The following SLC16A10 variants were observed in gnomAD, a reference collection of about 807,000 sequenced individuals.
SLC16A10 encodes solute carrier family 16 member 10.
SLC16A10 carries 27 observed loss-of-function variants against 40.0 expected under a neutral mutation model. That is an observed-to-expected ratio of 0.67 (90% CI 0.50 to 0.93). The LOEUF (loss-of-function observed/expected upper bound fraction) is 0.93, where lower values mean the gene tolerates loss of function less well. Among genes scored for constraint, SLC16A10 ranks in the 40% least tolerant of loss-of-function variants. The probability of loss-of-function intolerance (pLI) is 0.00; values close to 1 mark genes in which losing one functional copy is unlikely to be tolerated. For synonymous variants in SLC16A10, 213 were observed against 249.8 expected (o/e 0.85, Z 1.39); for missense variants, 529 against 658.2 (o/e 0.80, Z 2.15).
chr6:111,158,293 C>CT (rs1283398307), intron 1 of SLC16A10, among the ~76,000 whole-genome samples: 3 of 151,974 alleles, frequency 2.0e-5, no homozygotes, highest in East Asian at 3.9e-4. Flanking sequence ...CTATTTTTAG[C>CT]TTTTTTCTGG....
chr6:111,154,630 G>T (rs896129328), intron 1 of SLC16A10, among the ~76,000 whole-genome samples: 1 of 152,150 alleles, frequency 6.6e-6, no homozygotes, highest in Admixed American at 6.5e-5. Context: ...TATAGTGGAG[G>T]TAATAATGGA....
intron 1 of SLC16A10, among the ~76,000 whole-genome samples, chr6:111,161,590 CCTAT>C (rs1233164913): frequency 6.6e-6 from 1 of 152,088 alleles, no homozygotes; most frequent in Non-Finnish European, 1.5e-5. Flanking sequence ...CCCTCAGAGG[CCTAT>C]CTAAGGGTCC....
intron 3 of SLC16A10, among the ~76,000 whole-genome samples, chr6:111,185,368 C>T (rs1032120280): frequency 3.9e-5 from 6 of 152,194 alleles, no homozygotes; most frequent in South Asian, 2.1e-4. Context: ...TTGCTTTGCA[C>T]GTTTCCCTTC....
chr6:111,208,116 G>A (rs1188417384), intron 4 of SLC16A10, among the ~76,000 whole-genome samples: 5 of 152,024 alleles, frequency 3.3e-5, no homozygotes, highest in East Asian at 1.9e-4. Context: ...CTACAGGTGC[G>A]TGCCACCATG....
rs150131162 is a variant in SLC16A10 at position 111,209,489 on chromosome 6, A to G, written c.1086+2754A>G. On this transcript the variant is annotated intron_variant, in intron 4 of 5. Coordinates refer to ENST00000368851, the MANE Select transcript of SLC16A10 (RefSeq NM_018593.5). ...TTAAATTAAAAAAAAATTTTCACCCAACCTACCTGCCCTTGCCCCAGTGAT... is the reference window on the plus strand; with the variant it reads ...TTAAATTAAAAAAAAATTTTCACCCGACCTACCTGCCCTTGCCCCAGTGAT... Among the ~76,000 whole-genome samples, 546 of 152,284 alleles carry G rather than the reference A, an allele frequency of 3.6e-3. 2 individuals carry two copies. Among genetic ancestry groups the G allele is most frequent in the African/African-American group, 0.012 (513 of 41,562 alleles).
chr6:111,198,225 G>A (rs949440773), intron 3 of SLC16A10, among the ~76,000 whole-genome samples: 7 of 152,142 alleles, frequency 4.6e-5, no homozygotes, highest in African/African-American at 1.7e-4. Context: ...GGCAGAGGTT[G>A]CAGTGAACTG....
chr6:111,199,183 G>A (rs1773125039), intron 3 of SLC16A10, among the ~76,000 whole-genome samples: 1 of 152,176 alleles, frequency 6.6e-6, no homozygotes, highest in Non-Finnish European at 1.5e-5. Context: ...ATTTAGGCTG[G>A]GTGTGGGGGC....
At chr6:111,190,491 C>G (rs1772971772) in intron 3 of SLC16A10, among the ~76,000 whole-genome samples, 1 of 152,224 alleles carries the variant, frequency 6.6e-6, no homozygotes, top group South Asian at 2.1e-4. Context: ...GGGCTCCAGT[C>G]CCACATTTCC....
At chr6:111,170,557 C>T (rs1164158337) in intron 1 of SLC16A10, among the ~76,000 whole-genome samples, 1 of 152,156 alleles carries the variant, frequency 6.6e-6, no homozygotes, top group East Asian at 1.9e-4. Flanking sequence ...TCAAGTGATT[C>T]TCCCATCTCA....
At chr6:111,110,013 G>A (rs1219104388) in intron 1 of SLC16A10, among the ~76,000 whole-genome samples, 1 of 152,110 alleles carries the variant, frequency 6.6e-6, no homozygotes. Context: ...AAAAAAGTAG[G>A]AGTGAGAGGA....
rs1772702818 is a variant in SLC16A10 at position 111,177,253 on chromosome 6, C to T, written c.530C>T (p.Ala177Val). Residue 177 changes from alanine to valine, a missense_variant, in exon 3 of 6, where the codon GCC (alanine) becomes GTC (valine). Ala to Val is a moderately conservative substitution (Grantham distance 64). Coordinates refer to ENST00000368851, the MANE Select transcript of SLC16A10 (RefSeq NM_018593.5). ...TACCTTACCTATGGAATCATATTTGCCTGCGGCTGCTCCTTTGCATACCAG... is the reference window on the plus strand; with the variant it reads ...TACCTTACCTATGGAATCATATTTGTCTGCGGCTGCTCCTTTGCATACCAG... ...PLYLTYGIIF[A>V]CGCSFAYQPS... 1 of 1,580,396 alleles carries T rather than the reference C, an allele frequency of 6.3e-7. No individual in the cohort carries two copies. The highest frequency in any genetic ancestry group is 8.6e-7 in the Non-Finnish European group (1 of 1,165,796).
At chr6:111,103,805 G>A (rs915740281) in intron 1 of SLC16A10, among the ~76,000 whole-genome samples, 6 of 152,178 alleles carry the variant, frequency 3.9e-5, no homozygotes, top group African/African-American at 1.4e-4. Flanking sequence ...GGTATCCGAG[G>A]TGAGAGTGTA....
chr6:111,172,921 C>G, intron 2 of SLC16A10, 82 bp downstream of exon 2: 3 of 1,495,118 alleles, frequency 2.0e-6, no homozygotes, highest in East Asian at 4.6e-5. Context: ...ATGCTATTTA[C>G]AAGCAAAGAT....
chr6:111,206,906 G>A (rs1583362622), intron 4 of SLC16A10, among the ~76,000 whole-genome samples, 171 bp downstream of exon 4: 2 of 151,866 alleles, frequency 1.3e-5, no homozygotes, highest in African/African-American at 2.4e-5. Context: ...TCAGCTCTCT[G>A]CAACCTCCAC....
intron 1 of SLC16A10, among the ~76,000 whole-genome samples, chr6:111,127,733 G>T (rs1046448790): frequency 4.6e-5 from 7 of 152,146 alleles, no homozygotes; most frequent in African/African-American, 1.7e-4. Context: ...TGGCATTATG[G>T]TTCTAGTTAT....
intron 1 of SLC16A10, among the ~76,000 whole-genome samples, chr6:111,163,146 A>ATTTT (rs34027805): frequency 3.5e-5 from 3 of 85,300 alleles, no homozygotes; most frequent in East Asian, 3.3e-4. Flanking sequence ...CAACATAATA[A>ATTTT]TTTTTTTTTT....
chr6:111,177,478 G>A lies in SLC16A10; in HGVS notation c.755G>A (p.Arg252Gln), dbSNP rs374208304. ...CTCTTTCTGGCTGGCTTTACTTACC[G>A]ACCTCTTGCTACCAGTACCAAAGAT... ...FVLFLAGFTY[R>Q]PLATSTKDKE... The change falls in exon 3 of 6, where the codon CGA becomes CAA. Residue 252 changes from arginine to glutamine, a missense_variant. Coordinates refer to ENST00000368851, the MANE Select transcript of SLC16A10 (RefSeq NM_018593.5). 27 of 1,613,858 alleles carry A rather than the reference G, an allele frequency of 1.7e-5. No homozygotes were observed. The highest frequency in any genetic ancestry group is 2.2e-5 in the East Asian group (1 of 44,892).
intron 1 of SLC16A10, among the ~76,000 whole-genome samples, chr6:111,146,362 A>G (rs918867204): frequency 6.6e-6 from 1 of 152,224 alleles, no homozygotes; most frequent in Admixed American, 6.5e-5. Context: ...AATGGTGCAG[A>G]CACTTTGGAA....
chr6:111,177,821 C>T (rs1017123916), intron 3 of SLC16A10, 156 bp downstream of exon 3: 6 of 618,718 alleles, frequency 9.7e-6, no homozygotes, highest in African/African-American at 7.4e-5. Context: ...ACAATGTCAG[C>T]ACATCCATTA....
Sources: gnomAD v4.1 joint callset for allele counts (sites outside exome capture counted in the v4.1 genomes callset) on GRCh38, gnomAD v4.1.1 for gene constraint, MANE v1.5 for transcripts, NCBI Gene and HGNC (gene_info 2026-07-23, HGNC 2026-07-21) for gene names.